Variants in SPATA16 observed in about 807,000 individuals in gnomAD.
The protein encoded by SPATA16 is spermatogenesis associated 16.
In SPATA16, 36 loss-of-function variants were observed where a neutral mutation model predicts 63.3. That is an observed-to-expected ratio of 0.57 (90% confidence interval 0.44 to 0.75). The LOEUF is 0.75. SPATA16 is among the 30% of genes least tolerant of loss of function. The pLI is 0.00. For missense variants in SPATA16, 646 were observed against 679.3 expected, an observed-to-expected ratio of 0.95 and a Z score of 0.54; for synonymous variants, 203 against 216.7, an observed-to-expected ratio of 0.94 and a Z score of 0.56.
At chr3:173,104,927 A>G (rs1037664604) in intron 2 of SPATA16, among the ~76,000 whole-genome samples, 2 of 151,836 alleles carry the variant, frequency 1.3e-5, no homozygotes, top group South Asian at 2.1e-4. Flanking sequence ...TTCCATTTCT[A>G]TTTTCCTTTT....
chr3:173,082,425 G>A (rs1032203775), intron 2 of SPATA16, among the ~76,000 whole-genome samples: 3 of 152,006 alleles, frequency 2.0e-5, no homozygotes, highest in Non-Finnish European at 2.9e-5. Context: ...CTTCCTTCCC[G>A]CTTCTGCCTC....
At chr3:173,090,324 G>T (rs904645136) in intron 2 of SPATA16, among the ~76,000 whole-genome samples, 9 of 152,014 alleles carry the variant, frequency 5.9e-5, no homozygotes, top group African/African-American at 2.2e-4. Context: ...TGCAATAATT[G>T]TAAGCTTCCA....
intron 1 of SPATA16, among the ~76,000 whole-genome samples, chr3:173,129,348 C>A (rs1038084237): frequency 6.6e-6 from 1 of 152,086 alleles, no homozygotes; most frequent in African/African-American, 2.4e-5. Flanking sequence ...AAACTTTCAG[C>A]CAGATTACTT....
intron 3 of SPATA16, among the ~76,000 whole-genome samples, chr3:173,021,405 C>G (rs1037930812): frequency 6.6e-6 from 1 of 152,076 alleles, no homozygotes; most frequent in African/African-American, 2.4e-5. Context: ...AGGATTTTTG[C>G]AAATGAATAC....
At chr3:172,974,217 C>T (rs1283365235) in intron 5 of SPATA16, among the ~76,000 whole-genome samples, 1 of 152,022 alleles carries the variant, frequency 6.6e-6, no homozygotes, top group Non-Finnish European at 1.5e-5. Flanking sequence ...TGAAATTTTC[C>T]ATTTCCTGTT....
intron 4 of SPATA16, among the ~76,000 whole-genome samples, chr3:172,988,708 C>T (rs1734508804): frequency 2.0e-5 from 3 of 152,198 alleles, no homozygotes; most frequent in African/African-American, 7.2e-5. Context: ...GTGATCTTGG[C>T]TCACTGCAAC....
intron 10 of SPATA16, 120 bp from the exon 11 acceptor site, chr3:172,889,812 T>G: frequency 7.3e-7 from 1 of 1,370,384 alleles, no homozygotes. Flanking sequence ...GGAACAGAAC[T>G]GGCAGAAACA....
At chr3:173,001,932 C>T (rs951731276) in intron 4 of SPATA16, among the ~76,000 whole-genome samples, 5 of 152,144 alleles carry the variant, frequency 3.3e-5, no homozygotes, top group African/African-American at 4.8e-5. Flanking sequence ...ATAATTATTA[C>T]TGTGGTATTT....
Position 172,974,086 on chromosome 3 carries a change from C to T in SPATA16, c.933+2882G>A, listed in dbSNP as rs577493466. On this transcript the variant is annotated intron_variant, in intron 5 of 10. Transcript: ENST00000351008. The stretch of plus-strand genomic sequence containing the variant: ...TGGGTTGATGATATGAAAAATGTTC[C>T]TAATGCAATTGAAAGGTTCTTGAGT... Among the ~76,000 whole-genome samples, 4 of 152,214 alleles carry T rather than the reference C, an allele frequency of 2.6e-5. No homozygotes were observed. In the East Asian group the frequency reaches 7.7e-4, roughly 29 times the overall value.
At chr3:172,945,569 G>C (rs139335360) in intron 6 of SPATA16, among the ~76,000 whole-genome samples, 89 of 152,314 alleles carry the variant, frequency 5.8e-4, no homozygotes, top group Middle Eastern at 3.4e-3. Context: ...GAGAGACTGT[G>C]TGCGTGGTGG....
chr3:173,014,505 C>G (rs910987174), intron 4 of SPATA16, among the ~76,000 whole-genome samples: 2 of 152,212 alleles, frequency 1.3e-5, no homozygotes, highest in African/African-American at 2.4e-5. Flanking sequence ...ACCTGGGTAA[C>G]AGGGCCATTT....
At chr3:173,016,875 G>A (rs1481652621) in intron 4 of SPATA16, among the ~76,000 whole-genome samples, 1 of 152,090 alleles carries the variant, frequency 6.6e-6, no homozygotes, top group African/African-American at 2.4e-5. Context: ...TTAGCTGGGT[G>A]TGGTGGTGTG....
chr3:172,930,581 T>C, intron 6 of SPATA16, among the ~76,000 whole-genome samples: 1 of 130,572 alleles, frequency 7.7e-6, no homozygotes, highest in Admixed American at 8.7e-5. Flanking sequence ...TTTTTTGAGA[T>C]GGAGTCTCGC....
chr3:172,991,915 A>G (rs1481663830), intron 4 of SPATA16, among the ~76,000 whole-genome samples: 1 of 152,170 alleles, frequency 6.6e-6, no homozygotes, highest in Non-Finnish European at 1.5e-5. Context: ...TGTTCACTAT[A>G]TGTGTTTATA....
intron 6 of SPATA16, among the ~76,000 whole-genome samples, chr3:172,940,400 G>T (rs1340346023): frequency 6.6e-6 from 1 of 152,168 alleles, no homozygotes; most frequent in South Asian, 2.1e-4. Context: ...TTTGGAGAAT[G>T]GGAGAATTGA....
chr3:172,938,480 G>C (rs571311304), intron 6 of SPATA16, among the ~76,000 whole-genome samples: 1 of 152,148 alleles, frequency 6.6e-6, no homozygotes, highest in Admixed American at 6.5e-5. Flanking sequence ...CACTATACAA[G>C]GTTGGGTGGA....
chr3:172,941,472 A>G (rs904543244), intron 6 of SPATA16, among the ~76,000 whole-genome samples: 2 of 152,238 alleles, frequency 1.3e-5, no homozygotes, highest in African/African-American at 2.4e-5. Flanking sequence ...AAGATTATCT[A>G]CAAAGGAATG....
At chr3:173,065,613 G>T (rs1408229952) in intron 2 of SPATA16, among the ~76,000 whole-genome samples, 2 of 152,180 alleles carry the variant, frequency 1.3e-5, no homozygotes, top group Admixed American at 1.3e-4. Context: ...AAAGAGGGCA[G>T]AAAAGAAAGT....
chr3:173,137,256 A>C (rs1034100446), intron 1 of SPATA16, among the ~76,000 whole-genome samples: 1 of 152,230 alleles, frequency 6.6e-6, no homozygotes, highest in East Asian at 1.9e-4. Context: ...TTCAAATGGC[A>C]CCTCCCGCCC....
Sources: allele counts gnomAD v4.1 joint callset (sites outside exome capture counted in the v4.1 genomes callset), GRCh38; gene constraint gnomAD v4.1.1; transcripts MANE v1.5; gene names NCBI Gene and HGNC (gene_info 2026-07-23, HGNC 2026-07-21).